Variants in FAM177A1 observed in about 807,000 individuals in gnomAD.
The protein encoded by FAM177A1 is protein FAM177A1.
Under a neutral mutation model 26.1 loss-of-function variants are expected in FAM177A1, and 22 were observed. The observed-to-expected ratio is 0.84, with a 90% CI of 0.60 to 1.20. The LOEUF (loss-of-function observed/expected upper bound fraction) is 1.20. Ranked by LOEUF, FAM177A1 falls within the 50% of genes most tolerant of loss-of-function variation. The pLI, the probability that FAM177A1 is intolerant of heterozygous loss-of-function variation, is 0.00. For synonymous variants in FAM177A1, 95 were observed against 99.3 expected (o/e 0.96, Z 0.26); for missense variants, 296 against 291.1 (o/e 1.02, Z -0.12).
At chr14:35,053,042 T>C (rs1330507497) in intron 1 of FAM177A1, among the ~76,000 whole-genome samples, 1 of 152,218 alleles carries the variant, frequency 6.6e-6, no homozygotes, top group Non-Finnish European at 1.5e-5. Context: ...AGAGATACAA[T>C]GCTGATAATC....
chr14:35,058,165 C>G (rs929593230), intron 2 of FAM177A1, among the ~76,000 whole-genome samples: 3 of 152,032 alleles, frequency 2.0e-5, no homozygotes, highest in African/African-American at 7.2e-5. Flanking sequence ...CCTCTGCCTC[C>G]CAGGTTCAAG....
chr14:35,062,347 A>G (rs2045172329), intron 2 of FAM177A1, among the ~76,000 whole-genome samples: 1 of 152,182 alleles, frequency 6.6e-6, no homozygotes, highest in Non-Finnish European at 1.5e-5. Context: ...TTTAATGACC[A>G]TGTATATAGC....
At chr14:35,049,677 C>T (rs1286788896) in intron 1 of FAM177A1, among the ~76,000 whole-genome samples, 5 of 151,996 alleles carry the variant, frequency 3.3e-5, no homozygotes, top group African/African-American at 7.2e-5. Context: ...CCCAGCTACT[C>T]GGGAGGCTGA....
At chr14:35,070,669 T>C (rs1486803409) in intron 2 of FAM177A1, among the ~76,000 whole-genome samples, 3 of 152,176 alleles carry the variant, frequency 2.0e-5, no homozygotes, top group African/African-American at 7.2e-5. Context: ...TGCTACTGCA[T>C]ATTTATAGGC....
chr14:35,076,073 T>C lies in FAM177A1; in HGVS notation c.340-1077T>C, dbSNP rs575880712. On this transcript the variant is annotated intron_variant, in intron 2 of 4. Coordinates refer to ENST00000280987, the MANE Select transcript of FAM177A1 (RefSeq NM_173607.5). The stretch of plus-strand genomic sequence containing the variant: ...TCTAGAACCAGAAATACCATTTGAC[T>C]CAGCCATCCCATTACTGGGTATATA... Among the ~76,000 whole-genome samples, 430 of 152,278 alleles carry C rather than the reference T, an allele frequency of 2.8e-3. 1 individual carries two copies. Among genetic ancestry groups the C allele is most frequent in the Non-Finnish European group, 4.7e-3 (322 of 68,018 alleles).
intron 2 of FAM177A1, chr14:35,054,577 G>C (rs72680652): frequency 6.6e-6 from 1 of 152,050 alleles, no homozygotes; most frequent in African/African-American, 2.4e-5. Context: ...GCTATGAAAA[G>C]TGCTATAAAG....
Position 35,082,615 on chromosome 14 carries a change from T to C in FAM177A1, c.*1387T>C, listed in dbSNP as rs1349604384. Reference sequence around the variant, plus strand: ...ACCTTTTATCAGTATAACATTGATTTATAATTAAATGTGGGTGAGGAAGAA... The same window carrying C: ...ACCTTTTATCAGTATAACATTGATTCATAATTAAATGTGGGTGAGGAAGAA... On this transcript the variant is annotated 3_prime_UTR_variant, in exon 5 of 5. Coordinates refer to ENST00000280987, the MANE Select transcript of FAM177A1 (RefSeq NM_173607.5). The C allele has an allele frequency of 2.0e-5, 3 of 152,298 alleles. No individual in the cohort carries two copies. In the East Asian group the frequency reaches 5.8e-4, roughly 29 times the overall value. The allele number at this position is 152,298 out of a possible 1,614,324, so 9.4% of individuals were successfully genotyped here. A position where few individuals can be genotyped will look rare whatever the true frequency, so the allele number is the denominator to read the frequency against.
Position 35,081,433 on chromosome 14 carries a change from G to GC in FAM177A1, c.*205_*206insC. 2.1e-6 allele frequency: 1 copy of GC among 477,106 alleles called. No individual in the cohort carries two copies. Among genetic ancestry groups the GC allele is most frequent in the South Asian group, 4.4e-5 (1 of 22,900 alleles). 29.6% of individuals were successfully genotyped at this position (477,106 alleles called of 1,614,324 possible). ...TTCAGATATTTGTACTGTTTTTACT[G>GC]TGTATAGAAATTAGTGCTTTGGTTT... On this transcript the variant is annotated 3_prime_UTR_variant, in exon 5 of 5. Coordinates refer to ENST00000280987, the MANE Select transcript of FAM177A1 (RefSeq NM_173607.5).
rs1348782128 is a variant in FAM177A1, at chr14:35,081,424, G to GT, written c.*201dup. ...GATCTGAAATTCAGATATTTGTACT[G>GT]TTTTTACTGTGTATAGAAATTAGTG... On this transcript the variant is annotated 3_prime_UTR_variant, in exon 5 of 5. Coordinates refer to ENST00000280987, the MANE Select transcript of FAM177A1 (RefSeq NM_173607.5). 3 of 514,220 alleles carry GT rather than the reference G, an allele frequency of 5.8e-6. No individual in the cohort carries two copies. Among genetic ancestry groups the GT allele is most frequent in the African/African-American group, 3.9e-5 (2 of 50,872 alleles). 31.9% of individuals were successfully genotyped at this position (514,220 alleles called of 1,614,324 possible). A position where few individuals can be genotyped will look rare whatever the true frequency, so the allele number is the denominator to read the frequency against.
In FAM177A1 at chr14:35,046,644, G is replaced by A; in HGVS notation, c.165+16G>A. 1 of 1,523,806 alleles carries A rather than the reference G, an allele frequency of 6.6e-7. No homozygotes were observed. The highest frequency in any genetic ancestry group is 8.8e-7 in the Non-Finnish European group (1 of 1,131,918). The allele number at this position is 1,523,806 out of a possible 1,614,324, so 94.4% of individuals were successfully genotyped here. The stretch of plus-strand genomic sequence containing the variant: ...TGCAGGGCAGGTAGGTGGGGCCGCC[G>A]AGGCTGACGTCCGGGGAGCCGAGCC... On this transcript the variant is annotated intron_variant, in intron 1 of 4. Transcript: ENST00000280987.
At chr14:35,077,777 C>T (rs1057286936) in intron 3 of FAM177A1, among the ~76,000 whole-genome samples, 30 of 152,280 alleles carry the variant, frequency 2.0e-4, no homozygotes, top group Admixed American at 1.6e-3. Flanking sequence ...CCACCGCGCC[C>T]GGCCTCAAGT....
chr14:35,062,595 G>A (rs1321487204), intron 2 of FAM177A1, among the ~76,000 whole-genome samples: 1 of 152,156 alleles, frequency 6.6e-6, no homozygotes. Context: ...ACCTGTAGTT[G>A]TTTTTAAAGA....
At chr14:35,052,804 C>T (rs2044995408) in intron 1 of FAM177A1, among the ~76,000 whole-genome samples, 1 of 151,996 alleles carries the variant, frequency 6.6e-6, no homozygotes. Flanking sequence ...CTCCTATAGT[C>T]CCAGGTACTC....
chr14:35,063,660 G>C (rs548868166), intron 2 of FAM177A1, among the ~76,000 whole-genome samples: 1 of 152,106 alleles, frequency 6.6e-6, no homozygotes, highest in Non-Finnish European at 1.5e-5. Flanking sequence ...CCTGCACCCA[G>C]ATTTAGTATC....
Position 35,077,203 on chromosome 14 carries a change from A to G in FAM177A1, c.393A>G (p.Thr131=). ...YLWFYMLRAA[T]STLSVCDFLG... Reference sequence around the variant, plus strand: ...GGTTTTACATGCTTCGGGCTGCTACATCAACTCTCTCAGGTATTGCTTTTC... The same window carrying G: ...GGTTTTACATGCTTCGGGCTGCTACGTCAACTCTCTCAGGTATTGCTTTTC... The change falls in exon 3 of 5, where the codon ACA becomes ACG. Residue 131 remains threonine, a synonymous_variant. Coordinates refer to ENST00000280987, the MANE Select transcript of FAM177A1 (RefSeq NM_173607.5). 1 of 1,613,862 alleles carries G rather than the reference A, an allele frequency of 6.2e-7. No individual in the cohort carries two copies. The highest frequency in any genetic ancestry group is 1.3e-5 in the African/African-American group (1 of 75,014).
intron 2 of FAM177A1, among the ~76,000 whole-genome samples, chr14:35,065,724 C>T (rs554142669): frequency 6.5e-5 from 9 of 139,156 alleles, no homozygotes; most frequent in Non-Finnish European, 1.2e-4. Flanking sequence ...GAGACAGTCA[C>T]CCTGTCGCTC....
Position 35,053,217 on chromosome 14 carries a change from G to A in FAM177A1, c.166-61G>A, listed in dbSNP as rs1268453815. 60 of 1,482,200 alleles carry A rather than the reference G, an allele frequency of 4.0e-5. 1 individual carries two copies. The highest frequency in any genetic ancestry group is 4.9e-5 in the South Asian group (4 of 81,010). 91.8% of individuals were successfully genotyped at this position (1,482,200 alleles called of 1,614,324 possible). A position where few individuals can be genotyped will look rare whatever the true frequency, so the allele number is the denominator to read the frequency against. ...AATAAACCTACCAAAAGTTTTTCAC[G>A]TGTAATGAAAGAAAATTAATCTCAC... On this transcript the variant is annotated intron_variant, in intron 1 of 4. Coordinates refer to ENST00000280987, the MANE Select transcript of FAM177A1 (RefSeq NM_173607.5).
At chr14:35,061,270 G>A (rs2045149772) in intron 2 of FAM177A1, among the ~76,000 whole-genome samples, 1 of 151,952 alleles carries the variant, frequency 6.6e-6, no homozygotes, top group African/African-American at 2.4e-5. Flanking sequence ...GAAGAGATTA[G>A]GAGTTGTCTG....
chr14:35,068,999 A>G (rs897391285), intron 2 of FAM177A1, among the ~76,000 whole-genome samples: 1 of 152,204 alleles, frequency 6.6e-6, no homozygotes, highest in Admixed American at 6.5e-5. Flanking sequence ...GTTCAGTCCC[A>G]GCTCCCAACA....
Sources: gnomAD v4.1 joint callset for allele counts (sites outside exome capture counted in the v4.1 genomes callset) on GRCh38, gnomAD v4.1.1 for gene constraint, MANE v1.5 for transcripts, NCBI Gene and HGNC (gene_info 2026-07-23, HGNC 2026-07-21) for gene names.